The following KIF26B variants were observed in gnomAD, a reference collection of about 807,000 sequenced individuals.
KIF26B encodes kinesin family member 26B.
In KIF26B, 63 loss-of-function variants were observed where a neutral mutation model predicts 151.2. The observed-to-expected ratio is 0.42, with a 90% confidence interval of 0.34 to 0.51. The LOEUF is 0.51. Ranked by LOEUF, KIF26B falls within the 20% of genes least tolerant of loss-of-function variation. KIF26B has a pLI of 0.07. For missense variants in KIF26B, 2,813 were observed against 2,913.6 expected (o/e 0.97, Z 0.79); for synonymous variants, 1,357 against 1,262.1 (o/e 1.08, Z -1.59).
intron 4 of KIF26B, among the ~76,000 whole-genome samples, chr1:245,431,885 C>T (rs1448085157): frequency 1.3e-5 from 2 of 152,178 alleles, no homozygotes; most frequent in Non-Finnish European, 2.9e-5. Flanking sequence ...GCTCTGTGCA[C>T]ACCATCTGTC....
At chr1:245,193,535 T>G (rs138265015) in intron 2 of KIF26B, among the ~76,000 whole-genome samples, 1 of 151,758 alleles carries the variant, frequency 6.6e-6, no homozygotes, top group African/African-American at 2.4e-5. Context: ...AAATTTCATA[T>G]TTTTTTCTCA....
At chr1:245,418,652 G>A (rs144003064) in intron 3 of KIF26B, among the ~76,000 whole-genome samples, 1 of 152,290 alleles carries the variant, frequency 6.6e-6, no homozygotes, top group African/African-American at 2.4e-5. Context: ...ATAGACTGGT[G>A]ACTTTTTTTC....
chr1:245,409,249 C>T (rs1025246720), intron 3 of KIF26B, among the ~76,000 whole-genome samples: 4 of 152,166 alleles, frequency 2.6e-5, no homozygotes, highest in African/African-American at 4.8e-5. Context: ...TATCTTAAGC[C>T]ACACATGTTG....
chr1:245,439,122 A>G lies in KIF26B; in HGVS notation c.1166+19377A>G, dbSNP rs1016066358. ...CAGAACTTTGGCAGGCCGAGGTGGG[A>G]GGATCACTTGGGTCCAGGAGTTTGA... On this transcript the variant is annotated intron_variant, in intron 4 of 14. Coordinates refer to ENST00000407071, the MANE Select transcript of KIF26B (RefSeq NM_018012.4). Among the ~76,000 whole-genome samples, 12 of 152,174 alleles carry G rather than the reference A, an allele frequency of 7.9e-5. No homozygotes were observed. The East Asian group carries it at 2.1e-3, about 27-fold the overall frequency.
rs1480611434 is a variant in KIF26B at position 245,419,649 on chromosome 1, A to G, written c.1070A>G (p.Asp357Gly). Reference protein sequence around the residue: ...TEAVLNRYNADKPSACSVPAS... With the variant: ...TEAVLNRYNAGKPSACSVPAS... ...GCAGTGCTGAACCGCTACAATGCAG[A>G]CAAGCCTTCCGCCTGCAGTGTCCCA... The change falls in exon 4 of 15, where the codon GAC becomes GGC. Residue 357 changes from aspartate (D) to glycine (G), a missense_variant. Around this residue, in one of 3 missense-constraint regions of KIF26B, gnomAD observed 676 missense variants for 688.1 expected, o/e 0.98. Coordinates refer to ENST00000407071, the MANE Select transcript of KIF26B (RefSeq NM_018012.4). The G allele has an allele frequency of 5.0e-6, 8 of 1,613,870 alleles. No individual in the cohort carries two copies. Among genetic ancestry groups the G allele is most frequent in the Middle Eastern group, 1.6e-4 (1 of 6,062 alleles).
chr1:245,215,906 A>G (rs2103546310), intron 2 of KIF26B, among the ~76,000 whole-genome samples: 1 of 152,264 alleles, frequency 6.6e-6, no homozygotes, highest in East Asian at 1.9e-4. Context: ...TCAAGATTAC[A>G]TATTAAAAGA....
chr1:245,224,082 C>T (rs527433420), intron 2 of KIF26B, among the ~76,000 whole-genome samples: 24 of 152,088 alleles, frequency 1.6e-4, no homozygotes, highest in Admixed American at 7.2e-4. Flanking sequence ...GTCGGGAGTT[C>T]GAGACCAGCC....
At chr1:245,247,582 G>A (rs761562207) in intron 2 of KIF26B, among the ~76,000 whole-genome samples, 15 of 152,242 alleles carry the variant, frequency 9.9e-5, no homozygotes, top group East Asian at 1.9e-4. Flanking sequence ...ACGATGGCGT[G>A]GCAGCCCTGG....
chr1:245,443,462 G>T (rs1659167871), intron 4 of KIF26B, among the ~76,000 whole-genome samples: 1 of 110,492 alleles, frequency 9.1e-6, no homozygotes, highest in Non-Finnish European at 2.0e-5. Flanking sequence ...TTCACCTAGA[G>T]CGGTCATCTC....
chr1:245,196,656 C>T (rs972263732), intron 2 of KIF26B, among the ~76,000 whole-genome samples: 14 of 152,116 alleles, frequency 9.2e-5, no homozygotes, highest in East Asian at 1.9e-4. Flanking sequence ...TGTGGCTTAA[C>T]GGACCTCAGA....
chr1:245,680,422 C>A (rs750799837), intron 10 of KIF26B, among the ~76,000 whole-genome samples: 7 of 152,182 alleles, frequency 4.6e-5, no homozygotes, highest in Non-Finnish European at 8.8e-5. Flanking sequence ...ACAATGTAGA[C>A]TTAAAAAAAT....
intron 4 of KIF26B, among the ~76,000 whole-genome samples, chr1:245,486,181 G>A (rs1660276259): frequency 6.6e-6 from 1 of 152,326 alleles, no homozygotes; most frequent in Non-Finnish European, 1.5e-5. Context: ...GGCTTCTTTC[G>A]TAATAGTTCC....
chr1:245,333,763 C>T (rs181364083), intron 2 of KIF26B, among the ~76,000 whole-genome samples: 230 of 152,280 alleles, frequency 1.5e-3, no homozygotes, highest in African/African-American at 5.2e-3. Flanking sequence ...TTCGGGAGGC[C>T]GATGCCAGCG....
chr1:245,203,404 C>T (rs988250662), intron 2 of KIF26B, among the ~76,000 whole-genome samples: 9 of 152,150 alleles, frequency 5.9e-5, no homozygotes, highest in Non-Finnish European at 1.5e-5. Flanking sequence ...TCTCCTTCTC[C>T]TACTTTTCCC....
In KIF26B at chr1:245,564,519, G is replaced by T. The variant is rs903272615; in HGVS notation, c.1350+23569G>T. On this transcript the variant is annotated intron_variant, in intron 5 of 14. Transcript: ENST00000407071. This position sits in a 1 kb window ranked among gnomAD's most constrained non-coding sequence, Gnocchi z 4.6. ...GAAAGTTTTGGGTTAAACACTGTCTGCAGTAATTCAAAAGGATAAGAAGGA... is the reference window on the plus strand; with the variant it reads ...GAAAGTTTTGGGTTAAACACTGTCTTCAGTAATTCAAAAGGATAAGAAGGA... Among the ~76,000 whole-genome samples the T allele has an allele frequency of 1.3e-5, 2 of 152,186 alleles. No homozygotes were observed. Among genetic ancestry groups the T allele is most frequent in the African/African-American group, 2.4e-5 (1 of 41,432 alleles).
At chr1:245,280,278 C>T (rs140181269) in intron 2 of KIF26B, among the ~76,000 whole-genome samples, 6,063 of 151,418 alleles carry the variant, frequency 0.04, 155 homozygotes, top group African/African-American at 0.063. Flanking sequence ...CTTTGGGAGG[C>T]CGAGACGGGT....
intron 3 of KIF26B, among the ~76,000 whole-genome samples, chr1:245,398,669 A>G (rs1455419564): frequency 1.3e-5 from 2 of 152,142 alleles, no homozygotes; most frequent in African/African-American, 2.4e-5. Flanking sequence ...GGGGCTTGCT[A>G]TTGAAATTAG....
At chr1:245,349,178 G>A (rs945203219) in intron 2 of KIF26B, among the ~76,000 whole-genome samples, 1 of 152,090 alleles carries the variant, frequency 6.6e-6, no homozygotes, top group African/African-American at 2.4e-5. Flanking sequence ...GTTGCCACAG[G>A]GAAGGCATAG....
At chr1:245,370,308 T>C (rs573109129) in intron 3 of KIF26B, among the ~76,000 whole-genome samples, 50 of 152,208 alleles carry the variant, frequency 3.3e-4, no homozygotes, top group African/African-American at 1.1e-3. Flanking sequence ...TATGAATATT[T>C]TCCACGCTAT....
Sources: gnomAD v4.1 joint callset for allele counts (sites outside exome capture counted in the v4.1 genomes callset) on GRCh38, gnomAD v4.1.1 for gene constraint, gnomAD v4.1.1 regional missense constraint, Gnocchi (gnomAD v3.1) non-coding constraint, MANE v1.5 for transcripts, NCBI Gene and HGNC (gene_info 2026-07-23, HGNC 2026-07-21) for gene names.